The following KCNAB1 variants were observed in gnomAD, a reference collection of about 807,000 sequenced individuals.
KCNAB1 encodes the protein potassium voltage-gated channel subfamily A regulatory beta subunit 1, also known as voltage-gated potassium channel subunit beta-1.
A neutral mutation model predicts 64.6 loss-of-function variants in KCNAB1; 35 were observed. The observed-to-expected ratio is 0.54, with a 90% CI of 0.41 to 0.72. KCNAB1 has a LOEUF of 0.72. KCNAB1 is among the 30% of genes least tolerant of loss of function. KCNAB1 has a pLI of 0.00. For missense variants in KCNAB1, 401 were observed against 512.9 expected (o/e 0.78, Z 2.11); for synonymous variants, 177 against 183.8 (o/e 0.96, Z 0.30).
At chr3:156,349,344 C>T (rs189575779) in intron 1 of KCNAB1, among the ~76,000 whole-genome samples, 2 of 152,254 alleles carry the variant, frequency 1.3e-5, no homozygotes, top group African/African-American at 4.8e-5. Context: ...GGAAAGCCAA[C>T]CCATAAACAG....
At chr3:156,250,093 T>C (rs1435719241) in intron 1 of KCNAB1, among the ~76,000 whole-genome samples, 2 of 152,146 alleles carry the variant, frequency 1.3e-5, no homozygotes, top group African/African-American at 4.8e-5. Flanking sequence ...TTTTTCTAAA[T>C]TGGAGGTTTT....
intron 1 of KCNAB1, among the ~76,000 whole-genome samples, chr3:156,205,504 C>T (rs1714600716): frequency 1.3e-5 from 2 of 152,152 alleles, no homozygotes; most frequent in African/African-American, 4.8e-5. Flanking sequence ...GTAGGAACAC[C>T]TGGCATGGGA....
At chr3:156,118,437 C>T (rs757859065), upstream of KCNAB1, 2 of 372,150 alleles carry the variant, frequency 5.4e-6, no homozygotes, top group African/African-American at 2.1e-5. Flanking sequence ...GCACCACTTC[C>T]ACCACGTTTT....
At chr3:156,135,623 G>A (rs1438848133) in intron 1 of KCNAB1, among the ~76,000 whole-genome samples, 1 of 152,214 alleles carries the variant, frequency 6.6e-6, no homozygotes, top group Non-Finnish European at 1.5e-5. Flanking sequence ...GAGATTGCTT[G>A]ATTGGAATGA....
At chr3:156,252,790 G>A (rs1717906149) in intron 1 of KCNAB1, among the ~76,000 whole-genome samples, 1 of 152,178 alleles carries the variant, frequency 6.6e-6, no homozygotes, top group South Asian at 2.1e-4. Context: ...CTTACACGGG[G>A]ACTTATGGCA....
chr3:156,329,783 T>G (rs891011569), intron 1 of KCNAB1, among the ~76,000 whole-genome samples: 14 of 152,178 alleles, frequency 9.2e-5, no homozygotes, highest in African/African-American at 3.1e-4. Flanking sequence ...GACTAGAGAC[T>G]CTTAGCAAAT....
intron 1 of KCNAB1, among the ~76,000 whole-genome samples, chr3:156,179,727 A>G (rs972844975): frequency 6.6e-6 from 1 of 152,186 alleles, no homozygotes; most frequent in Non-Finnish European, 1.5e-5. Context: ...TGCTCTGTCA[A>G]TGCTGTTGCT....
At chr3:156,445,783 C>A (rs1325624648) in intron 2 of KCNAB1, among the ~76,000 whole-genome samples, 1 of 152,076 alleles carries the variant, frequency 6.6e-6, no homozygotes. Context: ...TATGCGGTTA[C>A]AATATAGTGT....
intron 1 of KCNAB1, chr3:156,143,569 G>GTTTTTTGTTTTTTTTTTTTTTTTTTT (rs1553807969): frequency 3.6e-6 from 1 of 281,598 alleles, no homozygotes; most frequent in African/African-American, 2.9e-5. Context: ...TTGCATTCTT[G>GTTTTTTGTTTTTTTTTTTTTTTTTTT]TTTTTTTTTT....
intron 12 of KCNAB1, among the ~76,000 whole-genome samples, chr3:156,526,268 G>A (rs2108414925): frequency 1.3e-5 from 2 of 152,212 alleles, no homozygotes; most frequent in African/African-American, 4.8e-5. Flanking sequence ...CACACAATGA[G>A]GAAAACGCCT....
At position 156,396,143 on chromosome 3, in the gene KCNAB1, C is replaced by T. The variant is rs147617286; in HGVS notation, c.276-25473C>T. On this transcript the variant is annotated intron_variant, in intron 1 of 13. Coordinates refer to ENST00000490337, the MANE Select transcript of KCNAB1 (RefSeq NM_172160.3). ...AGGCTTAAGAACACTCCTGTTTGGA[C>T]AGGACTTATTTGTTTTTCTTCTCTG... is the stretch of plus-strand genomic sequence containing the variant. Among the ~76,000 whole-genome samples the T allele has an allele frequency of 7.4e-3, 1,126 of 152,254 alleles. 19 individuals carry two copies. The highest frequency in any genetic ancestry group is 0.026 in the African/African-American group (1,073 of 41,540).
intron 2 of KCNAB1, among the ~76,000 whole-genome samples, chr3:156,446,455 G>A (rs778901644): frequency 1.2e-4 from 18 of 152,106 alleles, no homozygotes; most frequent in African/African-American, 2.4e-5. Context: ...CTTTAGTGAC[G>A]TAACAGATTA....
At chr3:156,435,708 A>C (rs868265305) in intron 2 of KCNAB1, among the ~76,000 whole-genome samples, 20 of 152,244 alleles carry the variant, frequency 1.3e-4, no homozygotes, top group Middle Eastern at 3.4e-3. Context: ...AGAATGTACA[A>C]AATCTGCAAG....
At chr3:156,350,103 C>T (rs1055814123) in intron 1 of KCNAB1, among the ~76,000 whole-genome samples, 4 of 152,068 alleles carry the variant, frequency 2.6e-5, no homozygotes, top group African/African-American at 9.7e-5. Flanking sequence ...TATTTTTATG[C>T]TGTTGTTACC....
At chr3:156,266,411 C>T (rs1220012528) in intron 1 of KCNAB1, among the ~76,000 whole-genome samples, 1 of 152,180 alleles carries the variant, frequency 6.6e-6, no homozygotes, top group Non-Finnish European at 1.5e-5. Flanking sequence ...ATGTCACTAT[C>T]CCAGAGGTTG....
At chr3:156,497,263 G>A (rs573482897) in intron 8 of KCNAB1, among the ~76,000 whole-genome samples, 3 of 152,268 alleles carry the variant, frequency 2.0e-5, no homozygotes, top group South Asian at 4.1e-4. Flanking sequence ...CATTAAGAAA[G>A]CATCTCCTTC....
At chr3:156,174,783 A>C (rs1216044649) in intron 1 of KCNAB1, among the ~76,000 whole-genome samples, 1 of 152,194 alleles carries the variant, frequency 6.6e-6, no homozygotes, top group Non-Finnish European at 1.5e-5. Flanking sequence ...GCATGGAGCC[A>C]CCAACGCAGG....
At chr3:156,431,556 C>T (rs753620237) in intron 2 of KCNAB1, among the ~76,000 whole-genome samples, 3 of 152,178 alleles carry the variant, frequency 2.0e-5, no homozygotes, top group East Asian at 1.9e-4. Flanking sequence ...GCCAATGCAC[C>T]GAGGATGACT....
intron 1 of KCNAB1, among the ~76,000 whole-genome samples, chr3:156,351,487 A>C (rs1405238156): frequency 6.6e-6 from 1 of 152,202 alleles, no homozygotes; most frequent in Admixed American, 6.5e-5. Flanking sequence ...AGTGCTTACT[A>C]TCCAGTTGTT....
Sources: allele counts gnomAD v4.1 joint callset (sites outside exome capture counted in the v4.1 genomes callset), GRCh38; gene constraint gnomAD v4.1.1; transcripts MANE v1.5; gene names NCBI Gene and HGNC (gene_info 2026-07-23, HGNC 2026-07-21).